The following LRRC37A2 variants were observed in gnomAD, a reference collection of about 807,000 sequenced individuals.
LRRC37A2 encodes leucine rich repeat containing 37 member A2.
A neutral mutation model predicts 68.8 loss-of-function variants in LRRC37A2; 9 were observed. That is an observed-to-expected ratio of 0.13 (90% CI 0.08 to 0.23). The LOEUF (loss-of-function observed/expected upper bound fraction) is 0.23. Ranked by LOEUF, LRRC37A2 falls within the 10% of genes least tolerant of loss-of-function variation. The probability of loss-of-function intolerance (pLI) is 1.00; values close to 1 mark genes in which losing one functional copy is unlikely to be tolerated. For missense variants in LRRC37A2, 168 were observed against 950.4 expected (o/e 0.18, Z 10.82); for synonymous variants, 63 against 367.6 (o/e 0.17, Z 9.48).
the LRRC37A2 span, among the ~76,000 whole-genome samples, chr17:46,685,343 G>T: frequency 6.6e-6 from 1 of 150,560 alleles, no homozygotes; most frequent in Non-Finnish European, 1.5e-5. Flanking sequence ...AGCCTTTTCA[G>T]TTATACCTTT....
chr17:46,735,864 G>C, the LRRC37A2 span, among the ~76,000 whole-genome samples: 4 of 152,166 alleles, frequency 2.6e-5, no homozygotes, highest in African/African-American at 9.7e-5. Context: ...AGAATTGCTT[G>C]AACCCAGGAG....
At chr17:46,545,869 C>T (rs554197706) in intron 8 of LRRC37A2, among the ~76,000 whole-genome samples, 8 of 150,268 alleles carry the variant, frequency 5.3e-5, no homozygotes, top group Middle Eastern at 3.4e-3. Flanking sequence ...ATAATATTTC[C>T]CACTCCCAAC....
the LRRC37A2 span, among the ~76,000 whole-genome samples, chr17:46,981,430 CTT>C: frequency 1.3e-5 from 2 of 152,178 alleles, no homozygotes; most frequent in African/African-American, 4.8e-5. Flanking sequence ...CCCTCTTTCT[CTT>C]TCTCTCTCTT....
At chr17:46,939,384 A>G in the LRRC37A2 span, 2 of 998,424 alleles carry the variant, frequency 2.0e-6, no homozygotes, top group South Asian at 4.4e-5. Flanking sequence ...GATTTTCCAC[A>G]CTACAGCTGG....
the LRRC37A2 span, among the ~76,000 whole-genome samples, chr17:46,925,016 C>T: frequency 6.6e-6 from 1 of 152,162 alleles, no homozygotes; most frequent in African/African-American, 2.4e-5. Context: ...ACAGAGAAAA[C>T]TGCATGGCTC....
the LRRC37A2 span, among the ~76,000 whole-genome samples, chr17:46,839,989 CTTTTTTCTTTCTTCT>C: frequency 3.4e-3 from 390 of 116,076 alleles, 1 homozygote; most frequent in Non-Finnish European, 5.5e-3. Context: ...TTCTTTCTTT[CTTTTTTCTTTCTTCT>C]TTCTTTCTTT....
the LRRC37A2 span, among the ~76,000 whole-genome samples, chr17:46,750,968 A>C: frequency 6.6e-6 from 1 of 152,188 alleles, no homozygotes; most frequent in East Asian, 1.9e-4. Flanking sequence ...TTAACTTTTA[A>C]TATCAATATT....
the LRRC37A2 span, chr17:46,924,166 T>C: frequency 3.4e-6 from 1 of 294,978 alleles, no homozygotes; most frequent in Non-Finnish European, 6.2e-6. Flanking sequence ...GTTTTACTTC[T>C]CTCTATGAGT....
chr17:46,549,121 A>G lies in LRRC37A2; in HGVS notation c.3982A>G (p.Arg1328Gly), dbSNP rs747758053. 3.7e-6 allele frequency: 6 copies of G among 1,611,654 alleles called. No homozygotes were observed. The highest frequency in any genetic ancestry group is 5.1e-6 in the Non-Finnish European group (6 of 1,179,858). Residue 1328 changes from arginine (R) to glycine (G), a missense_variant, in exon 10 of 15, where the codon AGA becomes GGA. Coordinates refer to ENST00000576629, the Ensembl canonical transcript of LRRC37A2. The stretch of plus-strand genomic sequence containing the variant: ...CAAAGTCAAAAAGAGTCCAAAGGTC[A>G]GAAAGAAAAGTTATCTGAGTAGACT...
chr17:46,492,703 T>G, the LRRC37A2 span, among the ~76,000 whole-genome samples: 95 of 143,554 alleles, frequency 6.6e-4, 7 homozygotes, highest in East Asian at 0.019. Flanking sequence ...TTTTTTTTTT[T>G]TTTTTTTTGA....
At chr17:46,900,711 G>A in the LRRC37A2 span, among the ~76,000 whole-genome samples, 1 of 152,258 alleles carries the variant, frequency 6.6e-6, no homozygotes, top group Non-Finnish European at 1.5e-5. Flanking sequence ...AGGGTGGGGA[G>A]ACTATAATAC....
the LRRC37A2 span, among the ~76,000 whole-genome samples, chr17:46,729,542 G>A: frequency 1.5e-4 from 1 of 6,772 alleles, no homozygotes; most frequent in Non-Finnish European, 5.0e-3. Flanking sequence ...ATGAAGGTTG[G>A]TTAAATATGT....
the LRRC37A2 span, among the ~76,000 whole-genome samples, chr17:46,962,152 C>T: frequency 1.3e-5 from 2 of 151,962 alleles, no homozygotes; most frequent in Non-Finnish European, 2.9e-5. Context: ...ATGGTGAAAC[C>T]CTGTCTCTAC....
the LRRC37A2 span, among the ~76,000 whole-genome samples, chr17:46,761,457 A>G: frequency 2.0e-5 from 3 of 150,804 alleles, no homozygotes; most frequent in Non-Finnish European, 4.4e-5. Context: ...TCAGCCTCTC[A>G]AGTAGCTGGG....
chr17:46,952,348 G>A, the LRRC37A2 span, among the ~76,000 whole-genome samples: 2 of 152,206 alleles, frequency 1.3e-5, no homozygotes, highest in South Asian at 2.1e-4. Flanking sequence ...ATGACTGCGC[G>A]GTGGGCCGAT....
the LRRC37A2 span, among the ~76,000 whole-genome samples, chr17:46,816,035 C>A: frequency 6.6e-6 from 1 of 152,206 alleles, no homozygotes; most frequent in Non-Finnish European, 1.5e-5. Flanking sequence ...CAGGTCATGG[C>A]CATGAGCACT....
At chr17:46,844,809 C>CCCTT in the LRRC37A2 span, among the ~76,000 whole-genome samples, 32,292 of 150,644 alleles carry the variant, frequency 0.21, 4,583 homozygotes, top group African/African-American at 0.39. Flanking sequence ...CTCCCTCCTT[C>CCCTT]CCTTCCTTCC....
At chr17:46,968,532 C>A in the LRRC37A2 span, among the ~76,000 whole-genome samples, 2 of 152,260 alleles carry the variant, frequency 1.3e-5, no homozygotes, top group South Asian at 4.1e-4. Context: ...GAGCACCATG[C>A]CAAGCTCATC....
the LRRC37A2 span, among the ~76,000 whole-genome samples, chr17:47,002,447 A>G: frequency 1.9e-4 from 28 of 151,134 alleles, no homozygotes; most frequent in East Asian, 5.3e-3. Context: ...CTGGAGTGCA[A>G]TGGCGCTATC....
Sources: gnomAD v4.1 joint callset for allele counts (sites outside exome capture counted in the v4.1 genomes callset) on GRCh38, gnomAD v4.1.1 for gene constraint, MANE v1.5 for transcripts, NCBI Gene and HGNC (gene_info 2026-07-23, HGNC 2026-07-21) for gene names.